Variants in BAZ2B observed in about 807,000 individuals in gnomAD.
BAZ2B encodes bromodomain adjacent to zinc finger domain 2B, also known as bromodomain adjacent to zinc finger domain protein 2B.
BAZ2B carries 91 observed loss-of-function variants against 246.0 expected under a neutral mutation model. The observed-to-expected ratio is 0.37, with a 90% CI of 0.31 to 0.44. The LOEUF is 0.44. BAZ2B is among the 20% of genes least tolerant of loss of function. BAZ2B has a pLI of 1.00. For synonymous variants in BAZ2B, 855 were observed against 860.0 expected, an observed-to-expected ratio of 0.99 and a Z score of 0.10; for missense variants, 2,332 against 2,533.7, an observed-to-expected ratio of 0.92 and a Z score of 1.71.
chr2:159,425,094 C>A (rs147013917), intron 13 of BAZ2B, among the ~76,000 whole-genome samples: 1 of 152,194 alleles, frequency 6.6e-6, no homozygotes, highest in Non-Finnish European at 1.5e-5. Context: ...TTTGTACAAT[C>A]TCCATGCATT....
At position 159,482,669 on chromosome 2, in the gene BAZ2B, C is replaced by A. The variant is rs116554473; in HGVS notation, c.-2-3948G>T. Among the ~76,000 whole-genome samples, 46 of 151,950 alleles carry A rather than the reference C, an allele frequency of 3.0e-4. 1 individual carries two copies. The highest frequency in any genetic ancestry group is 1.1e-3 in the African/African-American group (45 of 41,440). On this transcript the variant is annotated intron_variant, in intron 2 of 36. Coordinates refer to ENST00000392783, the MANE Select transcript of BAZ2B (RefSeq NM_013450.4). ...TAAAATAAATGTCTCATAATTGTAC[C>A]GATATCAATGTGGTAAGGTACGTTA... is the stretch of plus-strand genomic sequence containing the variant.
At chr2:159,624,389 CCTGATG>C in the BAZ2B span, among the ~76,000 whole-genome samples, 2 of 152,200 alleles carry the variant, frequency 1.3e-5, no homozygotes, top group African/African-American at 4.8e-5. Context: ...CCCTGTGCCT[CCTGATG>C]GGGAGACACC....
chr2:159,467,083 A>G (rs926991328), intron 3 of BAZ2B, among the ~76,000 whole-genome samples: 1 of 152,178 alleles, frequency 6.6e-6, no homozygotes, highest in Non-Finnish European at 1.5e-5. Context: ...GGGACAGCGT[A>G]TTTGAAATTC....
At chr2:159,556,623 G>A (rs989289130) in intron 1 of BAZ2B, among the ~76,000 whole-genome samples, 10 of 149,854 alleles carry the variant, frequency 6.7e-5, no homozygotes, top group African/African-American at 2.3e-4. Flanking sequence ...ACCACACCCA[G>A]CTAACTTTTT....
chr2:159,370,676 C>G (rs1232082621), intron 27 of BAZ2B, among the ~76,000 whole-genome samples: 1 of 151,358 alleles, frequency 6.6e-6, no homozygotes, highest in Non-Finnish European at 1.5e-5. Flanking sequence ...CCGGCCCAGG[C>G]TCTGTACTTC....
intron 2 of BAZ2B, among the ~76,000 whole-genome samples, chr2:159,545,482 A>T (rs2151411382): frequency 6.6e-6 from 1 of 152,234 alleles, no homozygotes; most frequent in Admixed American, 6.5e-5. Context: ...ATCTATTAAC[A>T]CCTATGAATT....
chr2:159,375,065 T>C (rs1277291642), intron 25 of BAZ2B, among the ~76,000 whole-genome samples: 1 of 151,872 alleles, frequency 6.6e-6, no homozygotes, highest in African/African-American at 2.4e-5. Flanking sequence ...AAAATAAAAT[T>C]AGCTTAGTGG....
At chr2:159,604,979 G>A (rs1004146062) in intron 1 of BAZ2B, among the ~76,000 whole-genome samples, 1 of 151,876 alleles carries the variant, frequency 6.6e-6, no homozygotes, top group African/African-American at 2.4e-5. Context: ...CTAGGAGAGA[G>A]AGAGAGCCAG....
intron 27 of BAZ2B, among the ~76,000 whole-genome samples, chr2:159,369,868 C>T (rs530784591): frequency 5.2e-4 from 79 of 152,250 alleles, no homozygotes; most frequent in Middle Eastern, 3.4e-3. Context: ...ATTTATATTC[C>T]GTTGGGTATA....
chr2:159,690,175 G>T, the BAZ2B span: 2 of 478,102 alleles, frequency 4.2e-6, no homozygotes, highest in East Asian at 5.1e-5. Context: ...GGATCCTGGT[G>T]ACTAGCGTCT....
intron 26 of BAZ2B, among the ~76,000 whole-genome samples, chr2:159,374,073 TTTC>T (rs1428513158): frequency 1.4e-4 from 15 of 110,280 alleles, no homozygotes; most frequent in African/African-American, 4.7e-4. Flanking sequence ...TTAGTTTTTT[TTTC>T]TTTTTTTTTT....
At chr2:159,347,398 C>A in intron 31 of BAZ2B, 88 bp downstream of exon 31, 1 of 1,356,154 alleles carries the variant, frequency 7.4e-7, no homozygotes, top group South Asian at 1.2e-5. Flanking sequence ...AAACATTTAG[C>A]ACATTAACTA....
At chr2:159,569,703 T>C (rs1041295781) in intron 1 of BAZ2B, among the ~76,000 whole-genome samples, 1 of 152,126 alleles carries the variant, frequency 6.6e-6, no homozygotes, top group South Asian at 2.1e-4. Context: ...CACACACCTG[T>C]AATCCCAGCA....
intron 28 of BAZ2B, 42 bp from the exon 29 acceptor site, chr2:159,349,322 TAAG>T (rs1294397890): frequency 6.7e-7 from 1 of 1,493,688 alleles, no homozygotes; most frequent in Non-Finnish European, 8.9e-7. Context: ...TAGATTACTC[TAAG>T]AAGTTAGGAA....
chr2:159,658,905 C>T, the BAZ2B span, among the ~76,000 whole-genome samples: 1 of 152,136 alleles, frequency 6.6e-6, no homozygotes, highest in Non-Finnish European at 1.5e-5. Flanking sequence ...CCTCCCGCCT[C>T]GACCTCCCAA....
At chr2:159,523,232 C>G (rs1488054336) in intron 2 of BAZ2B, among the ~76,000 whole-genome samples, 2 of 151,956 alleles carry the variant, frequency 1.3e-5, no homozygotes, top group Non-Finnish European at 2.9e-5. Context: ...GAGACCTGGT[C>G]TCTACAAAAA....
Position 159,382,678 on chromosome 2 carries a change from C to T in BAZ2B, c.3886G>A (p.Asp1296Asn). The T allele has an allele frequency of 6.2e-7, 1 of 1,609,808 alleles. No individual in the cohort carries two copies. The highest frequency in any genetic ancestry group is 8.5e-7 in the Non-Finnish European group (1 of 1,177,642). The change falls in exon 25 of 37, where the codon GAC becomes AAC. Residue 1296 changes from aspartate (D) to asparagine (N), a missense_variant. Around this residue, in one of 9 missense-constraint regions of BAZ2B, gnomAD observed 676 missense variants for 668.6 expected, o/e 1.01. Transcript: ENST00000392783. The part of the protein sequence containing the change: ...PGRKRRRKGG[D>N]SDYDDDDDDD... ...TCATCATCATCGTCATAATCACTGT[C>T]TCCTCCCTTCCTTCTTCGCTTGCGT...
At chr2:159,459,757 A>C (rs1559499422) in intron 3 of BAZ2B, 1 of 152,178 alleles carries the variant, frequency 6.6e-6, no homozygotes, top group Non-Finnish European at 1.5e-5. Context: ...GTACAAAACA[A>C]AATTACCTGG....
chr2:159,325,834 A>C lies in BAZ2B; in HGVS notation c.6028T>G (p.Leu2010Val), dbSNP rs756804716. 1 of 1,609,250 alleles carries C rather than the reference A, an allele frequency of 6.2e-7. No individual in the cohort carries two copies. Among genetic ancestry groups the C allele is most frequent in the South Asian group, 1.1e-5 (1 of 89,260 alleles). Residue 2010 changes from leucine to valine, a missense_variant, in exon 35 of 37, where the codon TTA (leucine) becomes GTA (valine). This residue lies in a region of BAZ2B where 210 missense variants were observed against 232.5 expected (regional missense o/e 0.90). Transcript: ENST00000392783. The stretch of plus-strand genomic sequence containing the variant: ...TCTTCATCTTCAGTATCTCCTGTTA[A>C]AGTTACCTTCTTGCCTTTCTTTGAC... ...NESKKGKKVT[L>V]TGDTEDEDSA...
Sources: gnomAD v4.1 joint callset for allele counts (sites outside exome capture counted in the v4.1 genomes callset) on GRCh38, gnomAD v4.1.1 for gene constraint, gnomAD v4.1.1 regional missense constraint, MANE v1.5 for transcripts, NCBI Gene and HGNC (gene_info 2026-07-23, HGNC 2026-07-21) for gene names.